The following CYP27C1 variants were observed in gnomAD, a reference collection of about 807,000 sequenced individuals.
CYP27C1 encodes cytochrome P450 27C1.
CYP27C1 carries 29 observed loss-of-function variants against 40.6 expected under a neutral mutation model. The ratio of observed to expected loss-of-function variants is 0.71; its 90% CI spans 0.53 to 0.97. The LOEUF is 0.97. CYP27C1 is among the 50% of genes least tolerant of loss of function. CYP27C1 has a pLI of 0.00. For synonymous variants in CYP27C1, 198 were observed against 186.8 expected, an observed-to-expected ratio of 1.06 and a Z score of -0.49; for missense variants, 390 against 485.8, an observed-to-expected ratio of 0.80 and a Z score of 1.85.
intron 3 of CYP27C1, among the ~76,000 whole-genome samples, chr2:127,202,962 T>A (rs767556708): frequency 4.8e-4 from 72 of 151,390 alleles, no homozygotes; most frequent in Non-Finnish European, 7.8e-4. Flanking sequence ...AGGTCAGGAG[T>A]TCGAGACCAG....
chr2:127,203,370 A>C lies in CYP27C1; in HGVS notation c.673+2T>G. 1 of 1,611,696 alleles carries C rather than the reference A, an allele frequency of 6.2e-7. No individual in the cohort carries two copies. Among genetic ancestry groups the C allele is most frequent in the African/African-American group, 1.3e-5 (1 of 74,794 alleles). On this transcript the variant is annotated splice_donor_variant, in intron 3 of 8. Transcript: ENST00000664447. LOFTEE classifies it high-confidence loss of function. ...CCTTCCCACCTGCTGATTCCACCTC[A>C]CCTTCCATTGAATATTTGAAGAAAA...
At chr2:127,206,865 T>G (rs1231088141) in intron 1 of CYP27C1, among the ~76,000 whole-genome samples, 1 of 152,038 alleles carries the variant, frequency 6.6e-6, no homozygotes, top group Non-Finnish European at 1.5e-5. Flanking sequence ...AATGAAGAAG[T>G]CAGGCTATCT....
chr2:127,204,557 GAAAGAAAGAAAGAAAGAA>G (rs1316128971), intron 2 of CYP27C1, among the ~76,000 whole-genome samples: 11 of 40,630 alleles, frequency 2.7e-4, no homozygotes, highest in South Asian at 6.9e-4. Context: ...GAGAGAGAGA[GAAAGAAAGAAAGAAAGAA>G]AGAAAGAAAG....
chr2:127,202,080 T>C (rs2104687277), intron 3 of CYP27C1, among the ~76,000 whole-genome samples: 1 of 142,496 alleles, frequency 7.0e-6, no homozygotes, highest in South Asian at 2.5e-4. Context: ...CCAAGATGCA[T>C]TCTATTTTTT....
In CYP27C1 at chr2:127,204,517, G is replaced by C. The variant is rs1558931198; in HGVS notation, c.474-946C>G. Among the ~76,000 whole-genome samples, 3 of 26,652 alleles carry C rather than the reference G, an allele frequency of 1.1e-4. No homozygotes were observed. The South Asian group carries it at 4.9e-3, about 43-fold the overall frequency. The allele number at this position is 26,652 out of a possible 152,430, so 17.5% of individuals were successfully genotyped here. A position where few individuals can be genotyped will look rare whatever the true frequency, so the allele number is the denominator to read the frequency against. ...GGAAGGAAGGAAGGAAAGAAAGAAG[G>C]AAAGAAAGAAAGAAAGAAAGAGAGA... On this transcript the variant is annotated intron_variant, in intron 2 of 8. Transcript: ENST00000664447.
chr2:127,188,915 A>G (rs1276684936), intron 8 of CYP27C1, among the ~76,000 whole-genome samples: 1 of 152,154 alleles, frequency 6.6e-6, no homozygotes, highest in Non-Finnish European at 1.5e-5. Context: ...AATGAGCTGA[A>G]CAGCATGTTT....
Position 127,198,186 on chromosome 2 carries a change from T to TACACACACACACAC in CYP27C1, c.1047+1176_1047+1189dup, listed in dbSNP as rs3033450. On this transcript the variant is annotated intron_variant, in intron 5 of 8. Coordinates refer to ENST00000664447, the MANE Select transcript of CYP27C1 (RefSeq NM_001367502.1). ...GCTCCATTCACAGGGAATTTGTTGATACACACACACACACACACACACACA... is the reference window on the plus strand; with the variant it reads ...GCTCCATTCACAGGGAATTTGTTGATACACACACACACACACACACACACACACACACACACACA... Among the ~76,000 whole-genome samples the TACACACACACACAC allele has an allele frequency of 3.2e-3, 481 of 148,164 alleles. 1 individual carries two copies. The highest frequency in any genetic ancestry group is 8.3e-3 in the African/African-American group (334 of 40,110).
chr2:127,207,662 T>C (rs188379985), intron 1 of CYP27C1, among the ~76,000 whole-genome samples: 15 of 143,042 alleles, frequency 1.0e-4, no homozygotes, highest in Admixed American at 1.0e-3. Context: ...AGAGCAAGAC[T>C]CTGTCACAAA....
At position 127,206,015 on chromosome 2, in the gene CYP27C1, G is replaced by T. The variant is rs148123964; in HGVS notation, c.358C>A (p.Arg120Ser). 2.0e-5 allele frequency among the ~76,000 whole-genome samples: 3 copies of T among 152,216 alleles called. No homozygotes were observed. Among genetic ancestry groups the T allele is most frequent in the African/African-American group, 7.2e-5 (3 of 41,454 alleles). Residue 120 changes from arginine to serine, a missense_variant, in exon 2 of 9, where the codon CGC becomes AGC. By Grantham distance (110) the Arg-to-Ser change is moderately radical. Coordinates refer to ENST00000664447, the MANE Select transcript of CYP27C1 (RefSeq NM_001367502.1). ...CGGAGCACCTGAGCCACCATATCGCGGTCTGCAATAGATACTACAAACTGA... is the reference window on the plus strand; with the variant it reads ...CGGAGCACCTGAGCCACCATATCGCTGTCTGCAATAGATACTACAAACTGA... Reference protein sequence around the residue: ...GPQFVVSIADRDMVAQVLRAE... With the variant: ...GPQFVVSIADSDMVAQVLRAE...
rs73953290 is a variant in CYP27C1 at position 127,197,370 on chromosome 2, C to T, written c.1048-1869G>A. 8.2e-3 allele frequency among the ~76,000 whole-genome samples: 1,245 copies of T among 152,234 alleles called. 11 individuals carry two copies. The highest frequency in any genetic ancestry group is 0.028 in the African/African-American group (1,177 of 41,530). On this transcript the variant is annotated intron_variant, in intron 5 of 8. Coordinates refer to ENST00000664447, the MANE Select transcript of CYP27C1 (RefSeq NM_001367502.1). Reference sequence around the variant, plus strand: ...TTGTTTTGTTTTTCGCTTTTACATGCTTAAGTGATATTACAATAAAAATAA... The same window carrying T: ...TTGTTTTGTTTTTCGCTTTTACATGTTTAAGTGATATTACAATAAAAATAA...
chr2:127,191,719 G>A (rs1682779124), intron 8 of CYP27C1, among the ~76,000 whole-genome samples: 3 of 152,234 alleles, frequency 2.0e-5, no homozygotes, highest in African/African-American at 7.2e-5. Flanking sequence ...TGAGAAACCT[G>A]CCAAGGTCCC....
At chr2:127,203,208 C>T (rs938447620) in intron 3 of CYP27C1, among the ~76,000 whole-genome samples, 164 bp downstream of exon 3, 2 of 151,360 alleles carry the variant, frequency 1.3e-5, no homozygotes, top group East Asian at 3.9e-4. Flanking sequence ...CATTGGTCAA[C>T]GGTGGTTCAC....
chr2:127,197,124 G>A lies in CYP27C1; in HGVS notation c.1048-1623C>T, dbSNP rs536547717. ...GTTCTTAGTTACCACCAGGGGACAG[G>A]AGGCACAAGCTCAGCGACGAAGCCA... On this transcript the variant is annotated intron_variant, in intron 5 of 8. Transcript: ENST00000664447. Among the ~76,000 whole-genome samples the A allele has an allele frequency of 5.3e-5, 8 of 152,332 alleles. No individual in the cohort carries two copies. In the South Asian group the frequency reaches 1.7e-3, roughly 32 times the overall value.
At chr2:127,212,366 A>G (rs1683356260) in intron 1 of CYP27C1, among the ~76,000 whole-genome samples, 1 of 152,242 alleles carries the variant, frequency 6.6e-6, no homozygotes, top group Non-Finnish European at 1.5e-5. Context: ...ACAGAATAAA[A>G]AAGAAAACTT....
chr2:127,189,808 G>A (rs1317140397), intron 8 of CYP27C1, among the ~76,000 whole-genome samples: 1 of 152,142 alleles, frequency 6.6e-6, no homozygotes, highest in Non-Finnish European at 1.5e-5. Flanking sequence ...GAATACACCT[G>A]ATGATATGTG....
Position 127,187,307 on chromosome 2 carries a change from C to G in CYP27C1, c.1578G>C (p.Gly526=), listed in dbSNP as rs747824325. The G allele has an allele frequency of 1.2e-5, 19 of 1,614,154 alleles. No homozygotes were observed. Among genetic ancestry groups the G allele is most frequent in the Middle Eastern group, 1.6e-4 (1 of 6,062 alleles). Reference sequence around the variant, plus strand: ...TAACAAATCGCACGTGGATGGGCCCCCCTGGCGTCAGGAGCCCGTGGGTTT... The same window carrying G: ...TAACAAATCGCACGTGGATGGGCCCGCCTGGCGTCAGGAGCCCGTGGGTTT... ...HAKTHGLLTP[G]GPIHVRFVNR... is the part of the protein sequence containing the mutation. Residue 526 remains glycine (G), a synonymous_variant, in exon 9 of 9, where the codon GGG becomes GGC. Transcript: ENST00000664447.
At chr2:127,199,615 T>C (rs1682986539) in intron 4 of CYP27C1, 76 bp from the exon 5 acceptor site, 3 of 1,446,092 alleles carry the variant, frequency 2.1e-6, no homozygotes, top group Non-Finnish European at 9.3e-7. Flanking sequence ...CCCTCTGTCC[T>C]CCCAGTAGCT....
chr2:127,210,498 T>C (rs1233663339), intron 1 of CYP27C1, among the ~76,000 whole-genome samples: 1 of 152,094 alleles, frequency 6.6e-6, no homozygotes, highest in Non-Finnish European at 1.5e-5. Context: ...CAGGATCAAA[T>C]TCGCACATAA....
In CYP27C1 at chr2:127,200,663, T is replaced by C. The variant is rs1683011714; in HGVS notation, c.883+459A>G. On this transcript the variant is annotated intron_variant, in intron 4 of 8. Transcript: ENST00000664447. The surrounding 1 kb of genome is among the most constrained non-coding windows in gnomAD (Gnocchi z 4.2). The stretch of plus-strand genomic sequence containing the variant: ...CACAACCCACATGCTTTTTGCTTCT[T>C]TGAAAAACAAATCCATGGCCAGGCG... 6.6e-6 allele frequency among the ~76,000 whole-genome samples: 1 copy of C among 152,136 alleles called. No homozygotes were observed. Among genetic ancestry groups the C allele is most frequent in the African/African-American group, 2.4e-5 (1 of 41,416 alleles).
Sources: allele counts gnomAD v4.1 joint callset (sites outside exome capture counted in the v4.1 genomes callset), GRCh38; gene constraint gnomAD v4.1.1; non-coding constraint Gnocchi (gnomAD v3.1); transcripts MANE v1.5; gene names NCBI Gene and HGNC (gene_info 2026-07-23, HGNC 2026-07-21).